The following COL19A1 variants were observed in gnomAD, a reference collection of about 807,000 sequenced individuals.
The protein encoded by COL19A1 is collagen type XIX alpha 1 chain.
COL19A1 carries 159 observed loss-of-function variants against 190.2 expected under a neutral mutation model. The ratio of observed to expected loss-of-function variants is 0.84; its 90% CI spans 0.73 to 0.95. COL19A1 has a LOEUF of 0.95. Ranked by LOEUF, COL19A1 falls within the 40% of genes least tolerant of loss-of-function variation. The pLI is 0.00. For missense variants in COL19A1, 1,418 were observed against 1,431.9 expected, an observed-to-expected ratio of 0.99 and a Z score of 0.16; for synonymous variants, 509 against 458.9, an observed-to-expected ratio of 1.11 and a Z score of -1.39.
chr6:69,902,756 C>T (rs970556086), intron 4 of COL19A1, among the ~76,000 whole-genome samples: 6 of 152,260 alleles, frequency 3.9e-5, no homozygotes, highest in Admixed American at 3.9e-4. Flanking sequence ...CATTCCCCTA[C>T]CAACGGTTAA....
intron 15 of COL19A1, among the ~76,000 whole-genome samples, chr6:70,081,958 A>C (rs1768338598): frequency 1.3e-5 from 2 of 152,202 alleles, no homozygotes; most frequent in African/African-American, 2.4e-5. Flanking sequence ...AAGAGTGAAC[A>C]CTGAAGTTTC....
At chr6:70,153,594 T>C (rs1787222545) in intron 31 of COL19A1, among the ~76,000 whole-genome samples, 1 of 152,184 alleles carries the variant, frequency 6.6e-6, no homozygotes. Flanking sequence ...CATTTTTTAA[T>C]GTTTCACTTA....
chr6:70,004,281 C>CT (rs58124105), intron 11 of COL19A1, among the ~76,000 whole-genome samples: 31,769 of 152,050 alleles, frequency 0.21, 5,412 homozygotes, highest in African/African-American at 0.46. Context: ...GTGACCTGGC[C>CT]TTCTCTCTGG....
At chr6:70,172,172 G>A (rs1294896401) in intron 41 of COL19A1, among the ~76,000 whole-genome samples, 155 bp downstream of exon 41, 1 of 152,102 alleles carries the variant, frequency 6.6e-6, no homozygotes, top group Non-Finnish European at 1.5e-5. Context: ...TCTAGCAAAA[G>A]GATATAGAAA....
At chr6:70,176,943 C>T (rs79779507) in intron 42 of COL19A1, among the ~76,000 whole-genome samples, 589 of 152,316 alleles carry the variant, frequency 3.9e-3, no homozygotes, top group Middle Eastern at 6.8e-3. Flanking sequence ...GCATGTACTT[C>T]AAGTTCCTTG....
At chr6:69,971,812 G>A (rs9454929) in intron 11 of COL19A1, among the ~76,000 whole-genome samples, 5,528 of 152,130 alleles carry the variant, frequency 0.036, 355 homozygotes, top group African/African-American at 0.13. Flanking sequence ...ATCTACCCCA[G>A]TGTCACCAAA....
At chr6:70,191,915 T>C (rs1295136633) in intron 48 of COL19A1, among the ~76,000 whole-genome samples, 3 of 152,192 alleles carry the variant, frequency 2.0e-5, no homozygotes. Flanking sequence ...TTTTAAATAA[T>C]AATTAGCAGT....
At chr6:70,187,480 A>G in intron 46 of COL19A1, among the ~76,000 whole-genome samples, 1 of 71,272 alleles carries the variant, frequency 1.4e-5, no homozygotes. Context: ...TTTTAAGTGA[A>G]AAGTCTCAGT....
At position 70,093,229 on chromosome 6, in the gene COL19A1, G is replaced by A. The variant is rs79679192; in HGVS notation, c.1225-8940G>A. ...CCCTTCTCCAGTATGGGAGTGTGCT[G>A]CCTGTGAACATCCAAATATGGAGGA... On this transcript the variant is annotated intron_variant, in intron 15 of 50. Transcript: ENST00000620364. Among the ~76,000 whole-genome samples the A allele has an allele frequency of 4.6e-3, 702 of 152,216 alleles. 8 individuals carry two copies. The highest frequency in any genetic ancestry group is 0.016 in the African/African-American group (655 of 41,552).
intron 15 of COL19A1, among the ~76,000 whole-genome samples, chr6:70,083,433 G>A (rs370032701): frequency 1.3e-5 from 2 of 151,808 alleles, no homozygotes; most frequent in African/African-American, 4.8e-5. Flanking sequence ...TACTTCATAT[G>A]TGTTTATTTC....
intron 7 of COL19A1, 29 bp downstream of exon 7, chr6:69,932,892 A>T: frequency 7.1e-7 from 1 of 1,415,340 alleles, no homozygotes; most frequent in Non-Finnish European, 9.9e-7. Context: ...CATATGAAGA[A>T]TGAAGAACGC....
chr6:70,199,186 A>G (rs1767394452), intron 48 of COL19A1, among the ~76,000 whole-genome samples: 1 of 152,252 alleles, frequency 6.6e-6, no homozygotes, highest in East Asian at 1.9e-4. Flanking sequence ...TTTGGAAGAC[A>G]GTGTCAAAGA....
At chr6:69,943,910 T>C (rs1336738877) in intron 9 of COL19A1, among the ~76,000 whole-genome samples, 1 of 152,162 alleles carries the variant, frequency 6.6e-6, no homozygotes, top group Non-Finnish European at 1.5e-5. Context: ...CTGTCCCACC[T>C]GAGCCAAAAC....
intron 15 of COL19A1, among the ~76,000 whole-genome samples, chr6:70,096,630 A>G (rs1783293515): frequency 6.6e-6 from 1 of 152,230 alleles, no homozygotes; most frequent in Non-Finnish European, 1.5e-5. Flanking sequence ...CTTGAACTTG[A>G]CAATGAGCAT....
chr6:70,113,154 C>A (rs765702849), intron 16 of COL19A1, among the ~76,000 whole-genome samples: 2 of 152,086 alleles, frequency 1.3e-5, no homozygotes, highest in African/African-American at 4.8e-5. Context: ...GAAAAGCTAG[C>A]GAGACAAGAC....
chr6:69,958,909 A>ATAAATTATTTAGCTATAAAT (rs1231311912), intron 9 of COL19A1, among the ~76,000 whole-genome samples: 1 of 152,222 alleles, frequency 6.6e-6, no homozygotes, highest in East Asian at 1.9e-4. Context: ...AATAATTCAA[A>ATAAATTATTTAGCTATAAAT]TAAATGATAG....
At chr6:69,897,030 T>G (rs535561077) in intron 2 of COL19A1, among the ~76,000 whole-genome samples, 3 of 152,192 alleles carry the variant, frequency 2.0e-5, no homozygotes, top group Non-Finnish European at 2.9e-5. Flanking sequence ...GATTAATGGT[T>G]TCTGTGTTCT....
chr6:70,082,144 G>A (rs1327088468), intron 15 of COL19A1, among the ~76,000 whole-genome samples: 1 of 152,146 alleles, frequency 6.6e-6, no homozygotes, highest in Non-Finnish European at 1.5e-5. Flanking sequence ...ATTCTAGAAT[G>A]TTGAATTTAT....
intron 12 of COL19A1, among the ~76,000 whole-genome samples, chr6:70,024,423 C>G (rs939303185): frequency 6.6e-6 from 1 of 152,130 alleles, no homozygotes; most frequent in Non-Finnish European, 1.5e-5. Context: ...TGGAAAGGAC[C>G]TGAAGGGCCA....
Sources: allele counts gnomAD v4.1 joint callset (sites outside exome capture counted in the v4.1 genomes callset), GRCh38; gene constraint gnomAD v4.1.1; transcripts MANE v1.5; gene names NCBI Gene and HGNC (gene_info 2026-07-23, HGNC 2026-07-21).